The following MSN variants were observed in gnomAD, a reference collection of about 807,000 sequenced individuals.
MSN encodes the protein moesin, also known as epididymis luminal protein 70.
A neutral mutation model predicts 48.0 loss-of-function variants in MSN; 2 were observed. That is an observed-to-expected ratio of 0.04 (90% CI 0.02 to 0.13). MSN has a LOEUF of 0.13. Ranked by LOEUF, MSN falls within the 10% of genes least tolerant of loss-of-function variation. The pLI is 1.00. For missense variants in MSN, 267 were observed against 470.1 expected (o/e 0.57, Z 3.99); for synonymous variants, 146 against 166.9 (o/e 0.87, Z 0.97).
chrX:65,677,777 A>AG (rs1444084863), intron 1 of MSN, among the ~76,000 whole-genome samples: 5 of 110,817 alleles, frequency 4.5e-5, no homozygotes, highest in Non-Finnish European at 7.6e-5. Context: ...AAAAAAAAAA[A>AG]GAAATATGTA....
chrX:65,740,055 C>T lies in MSN; in HGVS notation c.*162C>T, dbSNP rs943169183. On this transcript the variant is annotated 3_prime_UTR_variant, in exon 13 of 13. Transcript: ENST00000360270. ...CATGGGACCAAACCTAGCCCCTTAG[C>T]CCCCACCCACTTCCCTGGGCAAATG... 10 of 465,196 alleles carry T rather than the reference C, an allele frequency of 2.1e-5. No individual in the cohort carries two copies. The highest frequency in any genetic ancestry group is 3.1e-5 in the Non-Finnish European group (9 of 292,799). 38.3% of individuals were successfully genotyped at this position (465,196 alleles called of 1,213,427 possible). A position where few individuals can be genotyped will look rare whatever the true frequency, so the allele number is the denominator to read the frequency against.
intron 1 of MSN, among the ~76,000 whole-genome samples, chrX:65,690,177 A>C (rs974349868): frequency 6.3e-5 from 7 of 111,971 alleles, no homozygotes; most frequent in Non-Finnish European, 1.3e-4. Flanking sequence ...GAATTCTAAC[A>C]TTGGGCAAAG....
At chrX:65,700,118 A>G (rs929294308) in intron 1 of MSN, among the ~76,000 whole-genome samples, 2 of 112,204 alleles carry the variant, frequency 1.8e-5, no homozygotes, top group African/African-American at 6.5e-5. Flanking sequence ...GGATAATGGC[A>G]TTGCAGGAGA....
intron 1 of MSN, among the ~76,000 whole-genome samples, chrX:65,617,058 C>A (rs1454179110): frequency 9.3e-6 from 1 of 107,667 alleles, no homozygotes; most frequent in Non-Finnish European, 1.9e-5. Context: ...GGATGAAGCC[C>A]ACTTGATCAT....
At chrX:65,691,591 G>A (rs1429437788) in intron 1 of MSN, among the ~76,000 whole-genome samples, 1 of 110,670 alleles carries the variant, frequency 9.0e-6, no homozygotes, top group Non-Finnish European at 1.9e-5. Context: ...TGCAACTTTC[G>A]CCTCCTGGGT....
chrX:65,629,910 G>A (rs2070541802), intron 1 of MSN, among the ~76,000 whole-genome samples: 1 of 111,936 alleles, frequency 8.9e-6, no homozygotes, highest in Non-Finnish European at 1.9e-5. Flanking sequence ...CAGGCGAGGT[G>A]GCTCACACCT....
At chrX:65,656,801 C>A (rs2070784847) in intron 1 of MSN, among the ~76,000 whole-genome samples, 2 of 110,652 alleles carry the variant, frequency 1.8e-5, no homozygotes, top group African/African-American at 6.6e-5. Context: ...GAGACAAGAG[C>A]AAGCACACGG....
rs1320395048 is a variant in MSN at position 65,625,579 on chromosome X, C to A, written c.-22+36967C>A. On this transcript the variant is annotated intron_variant, in intron 1 of 3. Transcript: ENST00000609672. ...GTTTTGTTTGATACATATATTGCCACCCAGCTATCTTTTGGTTACTATTTG... is the reference window on the plus strand; with the variant it reads ...GTTTTGTTTGATACATATATTGCCAACCAGCTATCTTTTGGTTACTATTTG... 3 of 111,810 alleles carry A rather than the reference C, an allele frequency of 2.7e-5. No individual in the cohort carries two copies. In the East Asian group the frequency reaches 8.3e-4, roughly 31 times the overall value. The allele number at this position is 111,810 out of a possible 1,213,427, so 9.2% of individuals were successfully genotyped here. A position where few individuals can be genotyped will look rare whatever the true frequency, so the allele number is the denominator to read the frequency against.
intron 1 of MSN, among the ~76,000 whole-genome samples, chrX:65,671,306 G>A (rs2070939318): frequency 9.1e-6 from 1 of 110,270 alleles, no homozygotes; most frequent in African/African-American, 3.3e-5. Flanking sequence ...TGGGGTTTTA[G>A]CCATAGATCA....
upstream of MSN, among the ~76,000 whole-genome samples, chrX:65,667,326 T>C (rs1452475831): frequency 9.0e-6 from 1 of 111,444 alleles, no homozygotes; most frequent in Non-Finnish European, 1.9e-5. Context: ...CAGTGGAAAG[T>C]TGCAGTCAGG....
upstream of MSN, among the ~76,000 whole-genome samples, chrX:65,662,886 A>G (rs760957131): frequency 8.9e-6 from 1 of 112,531 alleles, no homozygotes; most frequent in Admixed American, 9.4e-5. Context: ...AAACTATTCA[A>G]CTGACAAGGG....
chrX:65,652,764 T>C (rs1158673290), intron 1 of MSN, among the ~76,000 whole-genome samples: 1 of 112,189 alleles, frequency 8.9e-6, no homozygotes, highest in Admixed American at 9.5e-5. Flanking sequence ...GTCTTTTTCC[T>C]GACCAACTCC....
intron 1 of MSN, among the ~76,000 whole-genome samples, chrX:65,688,584 T>A (rs2071141319): frequency 8.9e-6 from 1 of 112,128 alleles, no homozygotes; most frequent in Non-Finnish European, 1.9e-5. Context: ...CTGGTCATGG[T>A]TAGGTCAGAG....
chrX:65,665,747 TACAGAAATGGAA>T (rs775156799), upstream of MSN, among the ~76,000 whole-genome samples: 2 of 111,745 alleles, frequency 1.8e-5, no homozygotes, highest in South Asian at 7.5e-4. Context: ...CCTTTCTTGC[TACAGAAATGGAA>T]ACTCAAGCCC....
At chrX:65,645,500 C>A (rs1422252734) in intron 1 of MSN, among the ~76,000 whole-genome samples, 2 of 87,096 alleles carry the variant, frequency 2.3e-5, no homozygotes, top group Admixed American at 2.7e-4. Flanking sequence ...GTAGGCGGGG[C>A]GGGGGTGGTG....
At chrX:65,649,584 A>T (rs1434419695) in intron 1 of MSN, among the ~76,000 whole-genome samples, 39 of 98,844 alleles carry the variant, frequency 3.9e-4, no homozygotes, top group African/African-American at 1.5e-3. Flanking sequence ...TCAAAAAAAA[A>T]AAAAATATAT....
intron 10 of MSN, 127 bp from the exon 11 acceptor site, chrX:65,738,398 G>C: frequency 2.0e-6 from 1 of 503,603 alleles, no homozygotes; most frequent in South Asian, 3.3e-5. Flanking sequence ...TGGTAAAAGA[G>C]TCTCTGAGGC....
chrX:65,641,958 A>G (rs2070658185), intron 1 of MSN, among the ~76,000 whole-genome samples: 1 of 108,319 alleles, frequency 9.2e-6, no homozygotes, highest in Non-Finnish European at 1.9e-5. Flanking sequence ...AACATGGAGA[A>G]ACCCTGTCTC....
In MSN at chrX:65,672,015, G is replaced by A. The variant is rs147541323; in HGVS notation, c.12+4162G>A. Among the ~76,000 whole-genome samples the A allele has an allele frequency of 8.5e-3, 950 of 112,272 alleles. 6 individuals carry two copies. Among genetic ancestry groups the A allele is most frequent in the Admixed American group, 0.014 (150 of 10,616 alleles). On this transcript the variant is annotated intron_variant, in intron 1 of 12. Transcript: ENST00000360270. ...GGAAAGGACATTTGGAAGTCATCTA[G>A]TCTATTTCCCCTGCCTCCAAATCTA...
Sources: gnomAD v4.1 joint callset for allele counts (sites outside exome capture counted in the v4.1 genomes callset) on GRCh38, gnomAD v4.1.1 for gene constraint, MANE v1.5 for transcripts, NCBI Gene and HGNC (gene_info 2026-07-23, HGNC 2026-07-21) for gene names.